Variants in GRM5 observed in about 807,000 individuals in gnomAD.
The protein encoded by GRM5 is glutamate metabotropic receptor 5.
Under a neutral mutation model 83.1 loss-of-function variants are expected in GRM5, and 19 were observed. The observed-to-expected ratio is 0.23, with a 90% CI of 0.16 to 0.34. The LOEUF (loss-of-function observed/expected upper bound fraction) is 0.34, where lower values mean the gene tolerates loss of function less well. Among genes scored for constraint, GRM5 ranks in the 10% least tolerant of loss-of-function variants. GRM5 has a pLI of 1.00. For synonymous variants in GRM5, 675 were observed against 633.6 expected (o/e 1.07, Z -0.98); for missense variants, 1,160 against 1,588.3 (o/e 0.73, Z 4.58).
chr11:88,782,634 CTTAT>C (rs1309165847), intron 3 of GRM5, among the ~76,000 whole-genome samples: 2 of 152,006 alleles, frequency 1.3e-5, no homozygotes, highest in Non-Finnish European at 2.9e-5. Context: ...TATATATTGG[CTTAT>C]TTAAGATTGT....
chr11:88,776,321 G>T (rs907695967), intron 3 of GRM5, among the ~76,000 whole-genome samples: 1 of 151,926 alleles, frequency 6.6e-6, no homozygotes, highest in Non-Finnish European at 1.5e-5. Flanking sequence ...TTTATTTTGA[G>T]CCTGTGTGTG....
chr11:88,585,734 T>C lies in GRM5; in HGVS notation c.1690+4867A>G, dbSNP rs114236856. On this transcript the variant is annotated intron_variant, in intron 7 of 9. Transcript: ENST00000305447. ...ATTCTGGCCTTCTCTGTTGTCAATA[T>C]TCAGTATCTTATTATTACTTTCAAT... 7.3e-3 allele frequency among the ~76,000 whole-genome samples: 1,116 copies of C among 152,298 alleles called. 11 individuals are homozygous for C. The highest frequency in any genetic ancestry group is 0.026 in the African/African-American group (1,078 of 41,562).
At chr11:89,063,859 A>G (rs1017448818) in intron 1 of GRM5, among the ~76,000 whole-genome samples, 3 of 152,184 alleles carry the variant, frequency 2.0e-5, no homozygotes, top group Non-Finnish European at 4.4e-5. Flanking sequence ...CTGTCAACAG[A>G]TGCTCACATG....
intron 4 of GRM5, among the ~76,000 whole-genome samples, chr11:88,607,278 T>C (rs1386074450): frequency 1.3e-5 from 2 of 152,230 alleles, no homozygotes; most frequent in Non-Finnish European, 2.9e-5. Context: ...TTATTCTAGT[T>C]GCCAAGTCAA....
chr11:88,747,032 T>C (rs186861134), intron 3 of GRM5, among the ~76,000 whole-genome samples: 1 of 152,238 alleles, frequency 6.6e-6, no homozygotes, highest in Non-Finnish European at 1.5e-5. Context: ...GTAAGTATAC[T>C]GTGAGTATAA....
chr11:88,693,392 A>G (rs1940827563), intron 3 of GRM5, among the ~76,000 whole-genome samples: 1 of 152,218 alleles, frequency 6.6e-6, no homozygotes, highest in South Asian at 2.1e-4. Context: ...GGGCCTGGGA[A>G]AAGCCTTTCG....
intron 5 of GRM5, among the ~76,000 whole-genome samples, chr11:88,601,665 T>C (rs1257569987): frequency 1.3e-5 from 2 of 152,222 alleles, no homozygotes; most frequent in Non-Finnish European, 2.9e-5. Context: ...AGTTTTTTGC[T>C]TTAATTAGTT....
At chr11:88,874,823 T>C (rs1276382297) in intron 2 of GRM5, among the ~76,000 whole-genome samples, 1 of 151,990 alleles carries the variant, frequency 6.6e-6, no homozygotes, top group Non-Finnish European at 1.5e-5. Context: ...CCAGTGCATA[T>C]AAAAGTTATA....
At chr11:89,009,679 G>A (rs1940629425) in intron 2 of GRM5, among the ~76,000 whole-genome samples, 1 of 151,600 alleles carries the variant, frequency 6.6e-6, no homozygotes, top group African/African-American at 2.4e-5. Context: ...GGCGGATCAC[G>A]AGGTCAGGAG....
chr11:88,934,642 C>T (rs1937832313), intron 2 of GRM5, among the ~76,000 whole-genome samples: 1 of 151,878 alleles, frequency 6.6e-6, no homozygotes, highest in African/African-American at 2.4e-5. Context: ...ATCACATTAA[C>T]TTAATGATTT....
intron 3 of GRM5, among the ~76,000 whole-genome samples, chr11:88,801,398 G>C (rs1943391268): frequency 6.6e-6 from 1 of 152,104 alleles, no homozygotes; most frequent in African/African-American, 2.4e-5. Context: ...CACCCTCAAA[G>C]GTAATTTGCA....
At chr11:88,885,463 T>TGG (rs1945029135) in intron 2 of GRM5, among the ~76,000 whole-genome samples, 2 of 116,070 alleles carry the variant, frequency 1.7e-5, no homozygotes, top group African/African-American at 8.1e-5. Flanking sequence ...TTTTTTTTTT[T>TGG]TTTTTTTTTT....
At chr11:88,601,397 C>G (rs192920546) in intron 5 of GRM5, among the ~76,000 whole-genome samples, 1 of 151,658 alleles carries the variant, frequency 6.6e-6, no homozygotes, top group African/African-American at 2.4e-5. Context: ...CTTTCTTTCT[C>G]TCTTTCTCTC....
intron 4 of GRM5, among the ~76,000 whole-genome samples, chr11:88,609,667 C>G (rs976206339): frequency 1.3e-5 from 2 of 152,122 alleles, no homozygotes; most frequent in Non-Finnish European, 1.5e-5. Flanking sequence ...GAAATATTTT[C>G]CCCAATTCTG....
intron 2 of GRM5, among the ~76,000 whole-genome samples, chr11:88,910,856 G>A (rs201523831): frequency 6.8e-6 from 1 of 146,108 alleles, no homozygotes; most frequent in Non-Finnish European, 1.5e-5. Context: ...TTTTTTTTTT[G>A]TTTCAGATAA....
At chr11:88,941,546 A>AGAGGAG (rs1174373859) in intron 2 of GRM5, among the ~76,000 whole-genome samples, 2 of 61,184 alleles carry the variant, frequency 3.3e-5, no homozygotes, top group African/African-American at 1.1e-4. Context: ...GGAGGAGGAG[A>AGAGGAG]GAGGAGGAGG....
At chr11:88,802,687 C>A (rs1375230722) in intron 3 of GRM5, among the ~76,000 whole-genome samples, 2 of 149,612 alleles carry the variant, frequency 1.3e-5, no homozygotes, top group East Asian at 2.0e-4. Flanking sequence ...CTGGCCAGGG[C>A]AATTAGGCAG....
chr11:88,719,741 T>TTAA (rs1215455964), intron 3 of GRM5, among the ~76,000 whole-genome samples: 1 of 152,074 alleles, frequency 6.6e-6, no homozygotes, highest in Non-Finnish European at 1.5e-5. Flanking sequence ...GCTCTTGACT[T>TTAA]TAATAATAAC....
At chr11:88,683,330 T>G (rs181023367) in intron 3 of GRM5, among the ~76,000 whole-genome samples, 1 of 152,330 alleles carries the variant, frequency 6.6e-6, no homozygotes, top group African/African-American at 2.4e-5. Context: ...CTCCAAAAAG[T>G]CATTCCCACT....
Sources: allele counts gnomAD v4.1 joint callset (sites outside exome capture counted in the v4.1 genomes callset), GRCh38; gene constraint gnomAD v4.1.1; transcripts MANE v1.5; gene names NCBI Gene and HGNC (gene_info 2026-07-23, HGNC 2026-07-21).